Variants in OPCML observed in about 807,000 individuals in gnomAD.
OPCML encodes opioid binding protein/cell adhesion molecule like, also known as opioid-binding protein/cell adhesion molecule.
Under a neutral mutation model 37.8 loss-of-function variants are expected in OPCML, and 13 were observed. That is an observed-to-expected ratio of 0.34 (90% confidence interval 0.22 to 0.55). The LOEUF is 0.55. Among genes scored for constraint, OPCML ranks in the 20% least tolerant of loss-of-function variants. The pLI is 0.91. For synonymous variants in OPCML, 176 were observed against 168.8 expected (o/e 1.04, Z -0.33); for missense variants, 341 against 435.6 (o/e 0.78, Z 1.93).
At chr11:132,587,428 G>T (rs997998367) in intron 3 of OPCML, among the ~76,000 whole-genome samples, 4 of 152,114 alleles carry the variant, frequency 2.6e-5, no homozygotes, top group African/African-American at 9.7e-5. Flanking sequence ...AGAAGATTAG[G>T]CAAAGCCATA....
chr11:133,444,210 G>A (rs1946424592), intron 1 of OPCML, among the ~76,000 whole-genome samples: 2 of 152,112 alleles, frequency 1.3e-5, no homozygotes, highest in African/African-American at 4.8e-5. Context: ...TTTAAGCAGA[G>A]GAGGACGTAG....
rs138746386 is a variant in OPCML, at chr11:133,041,363, A to G, written c.62-98353T>C. On this transcript the variant is annotated intron_variant, in intron 1 of 7. Transcript: ENST00000524381. ...TAATATTGATTGAATCAACTTTCAA[A>G]CAGCAGTGACACCTTATGGCTGGGA... Among the ~76,000 whole-genome samples the G allele has an allele frequency of 6.6e-3, 1,006 of 152,306 alleles. 9 individuals carry two copies. Among genetic ancestry groups the G allele is most frequent in the African/African-American group, 0.023 (951 of 41,554 alleles).
chr11:133,421,062 G>A, intron 1 of OPCML: 3 of 983,212 alleles, frequency 3.1e-6, no homozygotes, highest in South Asian at 4.7e-5. Flanking sequence ...TCAATAATCA[G>A]TAGATTATTG....
intron 1 of OPCML, among the ~76,000 whole-genome samples, chr11:133,384,042 A>G (rs147961256): frequency 6.6e-6 from 1 of 151,992 alleles, no homozygotes; most frequent in Non-Finnish European, 1.5e-5. Context: ...AGAAGTCACC[A>G]TTGCACCCAC....
At chr11:133,493,573 G>T (rs1947713293) in intron 1 of OPCML, among the ~76,000 whole-genome samples, 2 of 151,548 alleles carry the variant, frequency 1.3e-5, no homozygotes, top group South Asian at 4.2e-4. Context: ...CTGCATAAAG[G>T]CAGTATAACC....
intron 2 of OPCML, among the ~76,000 whole-genome samples, chr11:132,933,728 A>C (rs1352244169): frequency 6.6e-6 from 1 of 152,204 alleles, no homozygotes; most frequent in Non-Finnish European, 1.5e-5. Context: ...GATAGATAGA[A>C]GATATTAATG....
chr11:132,970,074 T>G (rs955406950), intron 1 of OPCML, among the ~76,000 whole-genome samples: 1 of 152,174 alleles, frequency 6.6e-6, no homozygotes, highest in Non-Finnish European at 1.5e-5. Flanking sequence ...CTTGTTTGCT[T>G]GTTTGTTTAG....
chr11:133,287,224 T>C (rs1034295508), intron 1 of OPCML, among the ~76,000 whole-genome samples: 1 of 151,784 alleles, frequency 6.6e-6, no homozygotes, highest in Non-Finnish European at 1.5e-5. Flanking sequence ...AATTTTAATT[T>C]AACCAAATGT....
intron 2 of OPCML, among the ~76,000 whole-genome samples, chr11:132,694,938 G>A (rs1338621414): frequency 6.6e-6 from 1 of 152,224 alleles, no homozygotes; most frequent in Non-Finnish European, 1.5e-5. Flanking sequence ...AGAAAGGAAA[G>A]ATGATACCTG....
intron 1 of OPCML, among the ~76,000 whole-genome samples, chr11:133,157,257 C>A (rs1372711847): frequency 6.6e-6 from 1 of 152,166 alleles, no homozygotes; most frequent in Non-Finnish European, 1.5e-5. Context: ...CAAGACCTTA[C>A]AAATTAAAAG....
chr11:132,761,711 C>A (rs1946273751), intron 2 of OPCML, among the ~76,000 whole-genome samples: 1 of 152,116 alleles, frequency 6.6e-6, no homozygotes, highest in Admixed American at 6.5e-5. Flanking sequence ...GTTCCCGTAA[C>A]CTTTTATCAA....
At chr11:133,389,257 T>C (rs1945118744) in intron 1 of OPCML, among the ~76,000 whole-genome samples, 1 of 152,202 alleles carries the variant, frequency 6.6e-6, no homozygotes, top group African/African-American at 2.4e-5. Flanking sequence ...CAAATATGTA[T>C]GCAAGACGAA....
At chr11:132,778,747 G>A (rs1166148305) in intron 2 of OPCML, among the ~76,000 whole-genome samples, 1 of 152,084 alleles carries the variant, frequency 6.6e-6, no homozygotes, top group Non-Finnish European at 1.5e-5. Context: ...TCACAAATGA[G>A]AAAATCAAGG....
intron 1 of OPCML, chr11:133,026,633 T>C (rs1258629765): frequency 1.0e-6 from 1 of 965,720 alleles, no homozygotes; most frequent in Non-Finnish European, 1.2e-6. Context: ...TCTCATGACT[T>C]GCCTCTTGTT....
At chr11:132,647,749 A>C (rs900418661) in intron 3 of OPCML, among the ~76,000 whole-genome samples, 1 of 152,152 alleles carries the variant, frequency 6.6e-6, no homozygotes, top group Non-Finnish European at 1.5e-5. Context: ...GAAAATTCAC[A>C]TATAAGTGGA....
At chr11:133,114,894 T>C (rs1949308421) in intron 1 of OPCML, among the ~76,000 whole-genome samples, 1 of 152,232 alleles carries the variant, frequency 6.6e-6, no homozygotes, top group Non-Finnish European at 1.5e-5. Flanking sequence ...TGTTTTGTTG[T>C]ACATTAAAAG....
rs571915493 is a variant in OPCML at position 132,432,920 on chromosome 11, GT to G, written c.916+3165del. On this transcript the variant is annotated intron_variant, in intron 7 of 7. Transcript: ENST00000524381. ...GGCTTGTAACGGGTCCTAAATGCAT[GT>G]TTGCTAAATGAATGCTAGACAATGC... Among the ~76,000 whole-genome samples the G allele has an allele frequency of 3.3e-5, 5 of 152,336 alleles. No individual in the cohort carries two copies. In the East Asian group the frequency reaches 9.6e-4, roughly 29 times the overall value.
At chr11:132,799,416 A>G (rs1938518243) in intron 2 of OPCML, among the ~76,000 whole-genome samples, 1 of 152,080 alleles carries the variant, frequency 6.6e-6, no homozygotes, top group African/African-American at 2.4e-5. Context: ...CAGACTTTAG[A>G]ATTGAGGAGA....
intron 3 of OPCML, among the ~76,000 whole-genome samples, chr11:132,556,791 A>T (rs1256493045): frequency 1.3e-5 from 2 of 151,566 alleles, no homozygotes; most frequent in African/African-American, 4.9e-5. Context: ...CTCCAAACCT[A>T]CTCCTGATAT....
Sources: gnomAD v4.1 joint callset for allele counts (sites outside exome capture counted in the v4.1 genomes callset) on GRCh38, gnomAD v4.1.1 for gene constraint, MANE v1.5 for transcripts, NCBI Gene and HGNC (gene_info 2026-07-23, HGNC 2026-07-21) for gene names.